The following ROBO2 variants were observed in gnomAD, a reference collection of about 807,000 sequenced individuals.
The protein encoded by ROBO2 is roundabout homolog 2.
A neutral mutation model predicts 160.8 loss-of-function variants in ROBO2; 53 were observed. That is an observed-to-expected ratio of 0.33 (90% CI 0.26 to 0.41). The LOEUF is 0.41. Among genes scored for constraint, ROBO2 ranks in the 10% least tolerant of loss-of-function variants. The probability of loss-of-function intolerance (pLI) is 1.00; values close to 1 mark genes in which losing one functional copy is unlikely to be tolerated. For synonymous variants in ROBO2, 664 were observed against 611.7 expected, an observed-to-expected ratio of 1.09 and a Z score of -1.26; for missense variants, 1,577 against 1,722.4, an observed-to-expected ratio of 0.92 and a Z score of 1.49.
chr3:76,218,050 A>G (rs994474285), intron 2 of ROBO2, among the ~76,000 whole-genome samples: 15 of 152,324 alleles, frequency 9.8e-5, no homozygotes, highest in African/African-American at 3.6e-4. Flanking sequence ...AAACAGAACC[A>G]AAGACAAAAA....
At chr3:76,176,027 A>G (rs2073217417) in intron 2 of ROBO2, among the ~76,000 whole-genome samples, 1 of 151,754 alleles carries the variant, frequency 6.6e-6, no homozygotes. Flanking sequence ...AATTGTATTG[A>G]TATCATTATA....
chr3:75,975,153 A>G (rs1438459523), intron 2 of ROBO2, among the ~76,000 whole-genome samples: 2 of 151,558 alleles, frequency 1.3e-5, no homozygotes, highest in East Asian at 1.9e-4. Context: ...TATCTAGACA[A>G]TTATCACTAG....
intron 2 of ROBO2, among the ~76,000 whole-genome samples, chr3:76,890,663 C>T (rs1205688709): frequency 1.3e-5 from 2 of 152,134 alleles, no homozygotes; most frequent in Non-Finnish European, 2.9e-5. Flanking sequence ...TTATCTATCA[C>T]ATATTACTTT....
intron 2 of ROBO2, among the ~76,000 whole-genome samples, chr3:77,143,274 A>C (rs2150449279): frequency 6.9e-6 from 1 of 144,538 alleles, no homozygotes; most frequent in East Asian, 2.1e-4. Context: ...GGCTCGCTGC[A>C]ACCTCTGCCT....
chr3:76,167,988 C>T (rs543249270), intron 2 of ROBO2, among the ~76,000 whole-genome samples: 4 of 152,230 alleles, frequency 2.6e-5, no homozygotes, highest in South Asian at 4.2e-4. Context: ...GGGCCCTGCT[C>T]GTTCAGTGTG....
intron 18 of ROBO2, among the ~76,000 whole-genome samples, 180 bp from the exon 20 acceptor site, chr3:77,596,443 C>T (rs1324070124): frequency 6.6e-6 from 1 of 152,164 alleles, no homozygotes; most frequent in Admixed American, 6.5e-5. Flanking sequence ...CCTGCGTCCA[C>T]TGTTAATGTA....
chr3:75,922,469 A>C (rs1246937338), intron 1 of ROBO2, among the ~76,000 whole-genome samples: 1 of 152,076 alleles, frequency 6.6e-6, no homozygotes, highest in Non-Finnish European at 1.5e-5. Context: ...ATATCTAATC[A>C]GCAGCAAGTG....
At chr3:76,521,215 A>G (rs1374029900) in intron 2 of ROBO2, among the ~76,000 whole-genome samples, 2 of 151,934 alleles carry the variant, frequency 1.3e-5, no homozygotes, top group African/African-American at 4.8e-5. Flanking sequence ...CGCTTGGCTA[A>G]TTTTTGTATT....
intron 2 of ROBO2, among the ~76,000 whole-genome samples, chr3:76,311,601 T>G (rs1024779286): frequency 6.6e-6 from 1 of 152,230 alleles, no homozygotes; most frequent in South Asian, 2.1e-4. Flanking sequence ...TATCAATATA[T>G]TTTTGCAATG....
At chr3:75,968,791 T>C (rs2064889787) in intron 2 of ROBO2, among the ~76,000 whole-genome samples, 1 of 28,140 alleles carries the variant, frequency 3.6e-5, no homozygotes, top group South Asian at 3.2e-3. Context: ...TATACTTGGC[T>C]TGTTTTAGAT....
At chr3:77,072,600 A>G (rs1294942098) in intron 1 of ROBO2, among the ~76,000 whole-genome samples, 1 of 152,146 alleles carries the variant, frequency 6.6e-6, no homozygotes, top group Non-Finnish European at 1.5e-5. Flanking sequence ...TAATAATCAA[A>G]TTAAGTTCTT....
At chr3:77,201,745 A>G (rs1279451960) in intron 2 of ROBO2, among the ~76,000 whole-genome samples, 1 of 152,204 alleles carries the variant, frequency 6.6e-6, no homozygotes, top group Non-Finnish European at 1.5e-5. Context: ...AATTTATATA[A>G]TAGCTGGATC....
intron 2 of ROBO2, among the ~76,000 whole-genome samples, chr3:76,552,956 G>A (rs1042269481): frequency 1.3e-5 from 2 of 152,216 alleles, no homozygotes; most frequent in African/African-American, 4.8e-5. Flanking sequence ...ATATTAGTAA[G>A]AGAAAACTTG....
At chr3:76,978,922 T>TTTTG (rs370185197) in intron 2 of ROBO2, among the ~76,000 whole-genome samples, 102 of 150,068 alleles carry the variant, frequency 6.8e-4, no homozygotes, top group African/African-American at 1.1e-3. Flanking sequence ...TTAGAGTTTT[T>TTTTG]TTTGTTTGTT....
chr3:77,308,248 T>G (rs1356774500), intron 2 of ROBO2, among the ~76,000 whole-genome samples: 3 of 152,134 alleles, frequency 2.0e-5, no homozygotes, highest in African/African-American at 7.2e-5. Context: ...AGCCAGATAT[T>G]TAGTCATGTT....
chr3:76,597,905 T>C (rs1169373431), intron 2 of ROBO2, among the ~76,000 whole-genome samples: 1 of 152,160 alleles, frequency 6.6e-6, no homozygotes, highest in Non-Finnish European at 1.5e-5. Flanking sequence ...TAGTATTCTA[T>C]GGTATATATG....
chr3:76,187,053 C>T (rs1701798439), intron 2 of ROBO2, among the ~76,000 whole-genome samples: 1 of 102,604 alleles, frequency 9.7e-6, no homozygotes, highest in Non-Finnish European at 2.1e-5. Context: ...TTTTTTGAAA[C>T]TTTTTTCAAG....
rs71629626 is a variant in ROBO2, at chr3:76,938,971, C to CAAA, written c.110-159020_110-159018dup. On this transcript the variant is annotated intron_variant, in intron 2 of 26. Transcript: ENST00000487694. Reference sequence around the variant, plus strand: ...GGGCGACAAGAGCAAAACTCAGTCTCAAAAAAAAAAAAAAAAAAAAAAAAA... The same window carrying CAAA: ...GGGCGACAAGAGCAAAACTCAGTCTCAAAAAAAAAAAAAAAAAAAAAAAAAAAA... Among the ~76,000 whole-genome samples, 1,044 of 114,134 alleles carry CAAA rather than the reference C, an allele frequency of 9.1e-3. 27 individuals are homozygous for CAAA. Among genetic ancestry groups the CAAA allele is most frequent in the Middle Eastern group, 0.017 (3 of 176 alleles). The allele number at this position is 114,134 out of a possible 152,430, so 74.9% of individuals were successfully genotyped here. A position where few individuals can be genotyped will look rare whatever the true frequency, so the allele number is the denominator to read the frequency against.
chr3:76,185,079 C>T (rs1459606164), intron 2 of ROBO2, among the ~76,000 whole-genome samples: 1 of 150,992 alleles, frequency 6.6e-6, no homozygotes, highest in Admixed American at 6.6e-5. Flanking sequence ...CAAGTTGACA[C>T]CTATAGTAAA....
Sources: allele counts gnomAD v4.1 joint callset (sites outside exome capture counted in the v4.1 genomes callset), GRCh38; gene constraint gnomAD v4.1.1; transcripts MANE v1.5; gene names NCBI Gene and HGNC (gene_info 2026-07-23, HGNC 2026-07-21).